The following GRID2 variants were observed in gnomAD, a reference collection of about 807,000 sequenced individuals.
GRID2 encodes the protein glutamate ionotropic receptor delta type subunit 2, also known as glutamate receptor ionotropic, delta-2.
A neutral mutation model predicts 114.8 loss-of-function variants in GRID2; 33 were observed. The ratio of observed to expected loss-of-function variants is 0.29; its 90% CI spans 0.22 to 0.38. GRID2 has a LOEUF of 0.38. Among genes scored for constraint, GRID2 ranks in the 10% least tolerant of loss-of-function variants. GRID2 has a pLI of 1.00. For missense variants in GRID2, 1,184 were observed against 1,257.7 expected, an observed-to-expected ratio of 0.94 and a Z score of 0.89; for synonymous variants, 505 against 449.9, an observed-to-expected ratio of 1.12 and a Z score of -1.55.
intron 14 of GRID2, among the ~76,000 whole-genome samples, chr4:93,665,220 A>G (rs1166460876): frequency 1.3e-5 from 2 of 152,160 alleles, no homozygotes; most frequent in African/African-American, 4.8e-5. Flanking sequence ...ATCTTCAGTC[A>G]GTTTGGTAGA....
intron 2 of GRID2, among the ~76,000 whole-genome samples, chr4:92,788,502 G>A (rs540490020): frequency 6.6e-6 from 1 of 151,990 alleles, no homozygotes; most frequent in South Asian, 2.1e-4. Flanking sequence ...CCTTAAAAGA[G>A]AACATGCAAG....
chr4:93,732,580 A>G (rs1002816556), intron 14 of GRID2, among the ~76,000 whole-genome samples: 2 of 152,080 alleles, frequency 1.3e-5, no homozygotes, highest in African/African-American at 4.8e-5. Flanking sequence ...TTTATTGTTG[A>G]ATTTTTTTTA....
At chr4:93,765,629 T>C (rs1219492543) in intron 14 of GRID2, among the ~76,000 whole-genome samples, 1 of 148,886 alleles carries the variant, frequency 6.7e-6, no homozygotes, top group East Asian at 1.9e-4. Context: ...TATATATATA[T>C]ATATGAGGCA....
intron 6 of GRID2, among the ~76,000 whole-genome samples, chr4:93,224,238 A>C (rs1745222094): frequency 6.6e-6 from 1 of 152,204 alleles, no homozygotes; most frequent in Non-Finnish European, 1.5e-5. Context: ...ACATATTCAG[A>C]AAATGTATTA....
chr4:93,790,855 T>G (rs1403488595), intron 1 of GRID2, among the ~76,000 whole-genome samples: 1 of 152,200 alleles, frequency 6.6e-6, no homozygotes, highest in Non-Finnish European at 1.5e-5. Context: ...AACGTCTCTG[T>G]GTTTCATTTT....
At chr4:93,324,589 T>G (rs1757621703) in intron 8 of GRID2, among the ~76,000 whole-genome samples, 1 of 152,154 alleles carries the variant, frequency 6.6e-6, no homozygotes, top group South Asian at 2.1e-4. Flanking sequence ...TTCTATTGAT[T>G]GGAACATTTT....
intron 1 of GRID2, among the ~76,000 whole-genome samples, chr4:92,581,598 G>A (rs1479650125): frequency 6.6e-6 from 1 of 152,080 alleles, no homozygotes; most frequent in African/African-American, 2.4e-5. Context: ...TCTTGTGTTA[G>A]AATGAAGAAT....
At chr4:93,697,060 T>G (rs1578595833) in intron 14 of GRID2, among the ~76,000 whole-genome samples, 1 of 152,192 alleles carries the variant, frequency 6.6e-6, no homozygotes, top group Admixed American at 6.6e-5. Flanking sequence ...ATCAAAGACA[T>G]GTATCTTAAG....
chr4:92,480,858 C>CT, intron 1 of GRID2, among the ~76,000 whole-genome samples: 1 of 152,278 alleles, frequency 6.6e-6, no homozygotes, highest in Non-Finnish European at 1.5e-5. Flanking sequence ...ATTTCATCTG[C>CT]TACCTGTGAT....
At chr4:93,764,993 G>C (rs1733526912) in intron 14 of GRID2, among the ~76,000 whole-genome samples, 1 of 151,946 alleles carries the variant, frequency 6.6e-6, no homozygotes, top group Admixed American at 6.6e-5. Context: ...TAATTACAAG[G>C]TACAATTCTT....
chr4:92,655,454 G>T (rs978381536), intron 2 of GRID2, among the ~76,000 whole-genome samples: 2 of 151,732 alleles, frequency 1.3e-5, no homozygotes, highest in Non-Finnish European at 2.9e-5. Context: ...GATTGGATTG[G>T]ATCTGCAGAT....
chr4:93,651,368 G>A (rs1249418476), intron 14 of GRID2, among the ~76,000 whole-genome samples: 1 of 152,140 alleles, frequency 6.6e-6, no homozygotes, highest in East Asian at 1.9e-4. Flanking sequence ...AAATTTCATA[G>A]GAAGAGCTCC....
At chr4:92,626,469 C>A (rs796626880) in intron 2 of GRID2, among the ~76,000 whole-genome samples, 2 of 151,674 alleles carry the variant, frequency 1.3e-5, no homozygotes, top group South Asian at 4.2e-4. Context: ...AACAACATAG[C>A]GATTAAAGGG....
At chr4:92,614,332 AT>A (rs965473271) in intron 2 of GRID2, among the ~76,000 whole-genome samples, 88 of 151,494 alleles carry the variant, frequency 5.8e-4, no homozygotes, top group Non-Finnish European at 1.1e-3. Flanking sequence ...GACTTAGGAT[AT>A]TTTTTTCTTT....
intron 1 of GRID2, among the ~76,000 whole-genome samples, chr4:92,433,597 G>A (rs1354553884): frequency 6.6e-6 from 1 of 152,172 alleles, no homozygotes; most frequent in Non-Finnish European, 1.5e-5. Flanking sequence ...CTGCTGCTGG[G>A]GAGTTGGGGA....
intron 13 of GRID2, among the ~76,000 whole-genome samples, chr4:93,614,740 G>A (rs1469428683): frequency 6.6e-6 from 1 of 151,906 alleles, no homozygotes; most frequent in Non-Finnish European, 1.5e-5. Context: ...TTAACTCTTT[G>A]CTGACACCGT....
At chr4:93,222,270 G>A (rs1200174848) in intron 6 of GRID2, among the ~76,000 whole-genome samples, 1 of 151,992 alleles carries the variant, frequency 6.6e-6, no homozygotes, top group Non-Finnish European at 1.5e-5. Context: ...AAAGACGTAT[G>A]CACTGTGTGT....
chr4:92,901,506 G>A (rs1747581983), intron 2 of GRID2, among the ~76,000 whole-genome samples: 1 of 152,030 alleles, frequency 6.6e-6, no homozygotes, highest in Admixed American at 6.6e-5. Flanking sequence ...AGTCATATTT[G>A]TCTAGTTTTG....
chr4:92,919,931 C>T (rs1487240621), intron 2 of GRID2, among the ~76,000 whole-genome samples: 1 of 152,106 alleles, frequency 6.6e-6, no homozygotes, highest in Non-Finnish European at 1.5e-5. Context: ...ATTGATCTGT[C>T]TAATGTTGAC....
Sources: allele counts gnomAD v4.1 joint callset (sites outside exome capture counted in the v4.1 genomes callset), GRCh38; gene constraint gnomAD v4.1.1; transcripts MANE v1.5; gene names NCBI Gene and HGNC (gene_info 2026-07-23, HGNC 2026-07-21).